The following ADAM18 variants were observed in gnomAD, a reference collection of about 807,000 sequenced individuals.
The protein encoded by ADAM18 is disintegrin and metalloproteinase domain-containing protein 18.
A neutral mutation model predicts 94.4 loss-of-function variants in ADAM18; 117 were observed. The observed-to-expected ratio is 1.24, with a 90% CI of 1.07 to 1.45. ADAM18 has a LOEUF of 1.45. Ranked by LOEUF, ADAM18 falls within the 40% of genes most tolerant of loss-of-function variation. ADAM18 has a pLI of 0.00. For missense variants in ADAM18, 936 were observed against 880.0 expected (o/e 1.06, Z -0.81); for synonymous variants, 327 against 291.6 (o/e 1.12, Z -1.24).
chr8:39,618,289 A>G (rs974655163), intron 6 of ADAM18, among the ~76,000 whole-genome samples: 2 of 152,136 alleles, frequency 1.3e-5, no homozygotes, highest in Non-Finnish European at 2.9e-5. Flanking sequence ...GGTGCCCAAC[A>G]ATGCATTCGA....
chr8:39,594,793 GTTTTTT>G (rs71237182), intron 2 of ADAM18, among the ~76,000 whole-genome samples: 1 of 46,870 alleles, frequency 2.1e-5, no homozygotes, highest in African/African-American at 8.2e-5. Context: ...TTTGCTGTGA[GTTTTTT>G]TTTTTTTTTT....
chr8:39,644,990 C>G (rs1324631373), intron 10 of ADAM18, among the ~76,000 whole-genome samples: 5 of 152,036 alleles, frequency 3.3e-5, no homozygotes, highest in Non-Finnish European at 5.9e-5. Context: ...TATCATAATG[C>G]CTGACACATG....
intron 18 of ADAM18, among the ~76,000 whole-genome samples, chr8:39,711,730 A>G (rs1822406819): frequency 6.6e-6 from 1 of 152,138 alleles, no homozygotes; most frequent in South Asian, 2.1e-4. Context: ...AGCAAAAAGA[A>G]TGGAGAGATT....
intron 18 of ADAM18, among the ~76,000 whole-genome samples, chr8:39,711,904 T>C (rs1167290671): frequency 1.3e-5 from 2 of 150,620 alleles, no homozygotes; most frequent in Non-Finnish European, 3.0e-5. Context: ...AATATACAAA[T>C]CCAAGAAGCT....
chr8:39,681,012 C>T (rs1040672971), intron 16 of ADAM18, among the ~76,000 whole-genome samples: 1 of 152,222 alleles, frequency 6.6e-6, no homozygotes, highest in Non-Finnish European at 1.5e-5. Context: ...AGTGATCCCA[C>T]TTTCTGTCAT....
chr8:39,592,054 A>T (rs73603951), intron 2 of ADAM18, among the ~76,000 whole-genome samples: 5,416 of 152,248 alleles, frequency 0.036, 244 homozygotes, highest in African/African-American at 0.11. Context: ...AGCTTCAAAT[A>T]TTTAGTAAAC....
chr8:39,646,770 C>T (rs927135220), intron 11 of ADAM18, among the ~76,000 whole-genome samples: 8 of 152,052 alleles, frequency 5.3e-5, no homozygotes, highest in African/African-American at 1.9e-4. Context: ...TAAAGATCTC[C>T]CCGGGACTTA....
At chr8:39,675,647 C>T (rs778427729) in intron 14 of ADAM18, among the ~76,000 whole-genome samples, 17 of 152,208 alleles carry the variant, frequency 1.1e-4, no homozygotes, top group Non-Finnish European at 1.6e-4. Context: ...AGTCATTCTC[C>T]GTCCAGCTTT....
chr8:39,620,603 A>G (rs1012706665), intron 6 of ADAM18, among the ~76,000 whole-genome samples: 4 of 147,178 alleles, frequency 2.7e-5, no homozygotes, highest in Admixed American at 1.4e-4. Context: ...TATATATTAT[A>G]TAACAATTTA....
intron 2 of ADAM18, among the ~76,000 whole-genome samples, chr8:39,585,683 TA>T (rs1371107792): frequency 6.6e-6 from 1 of 152,180 alleles, no homozygotes; most frequent in Non-Finnish European, 1.5e-5. Context: ...TATTGTCCAG[TA>T]AATGATGTAG....
chr8:39,639,790 G>A (rs190927145), intron 10 of ADAM18, among the ~76,000 whole-genome samples: 238 of 151,908 alleles, frequency 1.6e-3, no homozygotes, highest in African/African-American at 4.7e-3. Flanking sequence ...TCAGAAATTC[G>A]TCTTTCCTTT....
intron 19 of ADAM18, among the ~76,000 whole-genome samples, chr8:39,725,625 A>G (rs186511267): frequency 1.3e-5 from 2 of 152,298 alleles, no homozygotes; most frequent in African/African-American, 2.4e-5. Flanking sequence ...TTTGTCTGGC[A>G]TATTTCACTT....
At chr8:39,650,061 C>T (rs542752666) in intron 12 of ADAM18, among the ~76,000 whole-genome samples, 4 of 152,052 alleles carry the variant, frequency 2.6e-5, no homozygotes, top group East Asian at 3.9e-4. Flanking sequence ...TTACAGAAAA[C>T]GTTTGTTAAT....
intron 6 of ADAM18, among the ~76,000 whole-genome samples, chr8:39,619,651 A>G (rs957566275): frequency 4.6e-5 from 7 of 152,174 alleles, no homozygotes; most frequent in African/African-American, 1.7e-4. Flanking sequence ...AATACCTACA[A>G]AAATGAAATA....
chr8:39,641,399 T>C (rs1820231846), intron 10 of ADAM18, among the ~76,000 whole-genome samples: 6 of 152,102 alleles, frequency 3.9e-5, no homozygotes, highest in African/African-American at 1.4e-4. Flanking sequence ...ACTGTAGCTT[T>C]GTTATATAGT....
intron 6 of ADAM18, among the ~76,000 whole-genome samples, chr8:39,617,425 G>A (rs1252554756): frequency 6.6e-6 from 1 of 152,138 alleles, no homozygotes; most frequent in Non-Finnish European, 1.5e-5. Flanking sequence ...ACTGTGGAAA[G>A]CAGATTGGAA....
chr8:39,679,834 G>A (rs114612268), intron 15 of ADAM18, among the ~76,000 whole-genome samples: 2 of 152,112 alleles, frequency 1.3e-5, no homozygotes, highest in Non-Finnish European at 2.9e-5. Context: ...GTGTCTTCAC[G>A]CTGAGTTAAG....
At chr8:39,625,067 T>G (rs1819723665) in intron 6 of ADAM18, among the ~76,000 whole-genome samples, 1 of 152,252 alleles carries the variant, frequency 6.6e-6, no homozygotes, top group African/African-American at 2.4e-5. Context: ...TACTTTTTTC[T>G]AATTCTGTGA....
intron 17 of ADAM18, among the ~76,000 whole-genome samples, chr8:39,694,504 G>GT (rs1425324658): frequency 2.6e-5 from 4 of 151,374 alleles, no homozygotes; most frequent in Non-Finnish European, 5.9e-5. Context: ...GGATTTGATA[G>GT]TTTTATATCT....
Sources: allele counts gnomAD v4.1 joint callset (sites outside exome capture counted in the v4.1 genomes callset), GRCh38; gene constraint gnomAD v4.1.1; transcripts MANE v1.5; gene names NCBI Gene and HGNC (gene_info 2026-07-23, HGNC 2026-07-21).